The following SLC24A2 variants were observed in gnomAD, a reference collection of about 807,000 sequenced individuals.
The protein encoded by SLC24A2 is sodium/potassium/calcium exchanger 2.
Under a neutral mutation model 62.0 loss-of-function variants are expected in SLC24A2, and 36 were observed. The ratio of observed to expected loss-of-function variants is 0.58; its 90% CI spans 0.44 to 0.77. The LOEUF (loss-of-function observed/expected upper bound fraction) is 0.77, where lower values mean the gene tolerates loss of function less well. Ranked by LOEUF, SLC24A2 falls within the 30% of genes least tolerant of loss-of-function variation. SLC24A2 has a pLI of 0.00. For synonymous variants in SLC24A2, 358 were observed against 294.0 expected, an observed-to-expected ratio of 1.22 and a Z score of -2.23; for missense variants, 846 against 817.9, an observed-to-expected ratio of 1.03 and a Z score of -0.42.
At chr9:20,004,923 A>T in the SLC24A2 span, among the ~76,000 whole-genome samples, 1 of 152,144 alleles carries the variant, frequency 6.6e-6, no homozygotes, top group East Asian at 1.9e-4. Flanking sequence ...AAAAAAAAGA[A>T]GCATCTGTTT....
At chr9:19,899,536 A>G in the SLC24A2 span, among the ~76,000 whole-genome samples, 1 of 152,234 alleles carries the variant, frequency 6.6e-6, no homozygotes, top group Non-Finnish European at 1.5e-5. Flanking sequence ...TTACCCTCAC[A>G]TCATGAAAGC....
chr9:20,240,491 TC>T, the SLC24A2 span, among the ~76,000 whole-genome samples: 6 of 152,292 alleles, frequency 3.9e-5, no homozygotes, highest in Admixed American at 3.3e-4. Flanking sequence ...TCAGGGTGTT[TC>T]CCTTGTTAAA....
At chr9:19,607,708 G>A (rs1005452603) in intron 4 of SLC24A2, among the ~76,000 whole-genome samples, 17 of 121,978 alleles carry the variant, frequency 1.4e-4, no homozygotes, top group African/African-American at 5.5e-4. Context: ...GATAGAGTGA[G>A]ACTCTGTCTC....
At chr9:20,076,804 C>T in the SLC24A2 span, among the ~76,000 whole-genome samples, 2 of 149,658 alleles carry the variant, frequency 1.3e-5, no homozygotes, top group Admixed American at 6.7e-5. Context: ...TGCTGCAATG[C>T]ACATGGGGAC....
the SLC24A2 span, among the ~76,000 whole-genome samples, chr9:20,253,068 TC>T: frequency 2.0e-5 from 3 of 152,212 alleles, no homozygotes; most frequent in African/African-American, 7.2e-5. Context: ...TTGTTGCCTA[TC>T]CCAAGGCAAT....
chr9:19,882,387 T>C, the SLC24A2 span, among the ~76,000 whole-genome samples: 8 of 152,222 alleles, frequency 5.3e-5, no homozygotes, highest in Non-Finnish European at 8.8e-5. Context: ...CTGAAATTTT[T>C]ATGTTCCAGT....
chr9:19,622,228 C>T, intron 3 of SLC24A2, 33 bp downstream of exon 3: 1 of 1,606,502 alleles, frequency 6.2e-7, no homozygotes, highest in Non-Finnish European at 8.5e-7. Context: ...CACAGGCACA[C>T]AAACAGGTAC....
the SLC24A2 span, among the ~76,000 whole-genome samples, chr9:20,147,134 T>G: frequency 6.6e-6 from 1 of 152,164 alleles, no homozygotes; most frequent in South Asian, 2.1e-4. Context: ...AACAGAGAAA[T>G]GCCTGATCAC....
intron 8 of SLC24A2, among the ~76,000 whole-genome samples, chr9:19,548,207 T>A (rs756162989): frequency 1.4e-5 from 2 of 147,962 alleles, no homozygotes; most frequent in Non-Finnish European, 1.5e-5. Flanking sequence ...TGAAGACTTA[T>A]GATAAATTAT....
chr9:19,988,647 C>G, the SLC24A2 span, among the ~76,000 whole-genome samples: 1 of 152,190 alleles, frequency 6.6e-6, no homozygotes, highest in Admixed American at 6.5e-5. Flanking sequence ...TTAAAGGTGA[C>G]ACCCTAAGGA....
chr9:19,664,535 G>A (rs982277286), intron 2 of SLC24A2, among the ~76,000 whole-genome samples: 10 of 152,212 alleles, frequency 6.6e-5, no homozygotes, highest in African/African-American at 2.2e-4. Flanking sequence ...ATCTGGTGAA[G>A]CAGGTTGAAT....
intron 2 of SLC24A2, among the ~76,000 whole-genome samples, chr9:19,743,110 TAAC>T (rs147816048): frequency 0.014 from 2,189 of 152,206 alleles, 41 homozygotes; most frequent in African/African-American, 0.049. Flanking sequence ...ATTGTGTGCT[TAAC>T]AACTATCTTA....
At chr9:19,852,727 G>A in the SLC24A2 span, among the ~76,000 whole-genome samples, 1 of 152,160 alleles carries the variant, frequency 6.6e-6, no homozygotes, top group Middle Eastern at 3.4e-3. Flanking sequence ...CTGTAGCCTG[G>A]TAGTACAATG....
chr9:19,531,361 G>A (rs1349433840), intron 8 of SLC24A2, among the ~76,000 whole-genome samples: 1 of 152,150 alleles, frequency 6.6e-6, no homozygotes, highest in Non-Finnish European at 1.5e-5. Flanking sequence ...ATAGCTCTTG[G>A]AGCCAAGGTC....
the SLC24A2 span, among the ~76,000 whole-genome samples, chr9:20,104,135 G>A: frequency 1.2e-4 from 18 of 152,078 alleles, no homozygotes; most frequent in Admixed American, 2.6e-4. Flanking sequence ...GAAGTGAGAA[G>A]GGAAGTTTAG....
chr9:19,781,674 T>G (rs1823024937), intron 2 of SLC24A2, among the ~76,000 whole-genome samples: 2 of 152,224 alleles, frequency 1.3e-5, no homozygotes, highest in African/African-American at 4.8e-5. Context: ...CAGTTAAGAA[T>G]TTTAATGCCT....
intron 2 of SLC24A2, among the ~76,000 whole-genome samples, chr9:19,718,284 C>CTTTTTTTTTTTTTTTTTTTTTT (rs71335446): frequency 1.8e-5 from 1 of 55,714 alleles, no homozygotes; most frequent in African/African-American, 8.5e-5. Context: ...TGATTTAACA[C>CTTTTTTTTTTTTTTTTTTTTTT]TTTTTTTTTT....
At chr9:19,535,084 T>C (rs1833893113) in intron 8 of SLC24A2, among the ~76,000 whole-genome samples, 1 of 152,214 alleles carries the variant, frequency 6.6e-6, no homozygotes. Context: ...CATTGTGGTT[T>C]TGATTTGCAT....
intron 5 of SLC24A2, among the ~76,000 whole-genome samples, chr9:19,594,942 G>A (rs749957842): frequency 1.1e-4 from 17 of 152,168 alleles, no homozygotes; most frequent in African/African-American, 2.7e-4. Flanking sequence ...GGTACCTGTC[G>A]AAGGATGCAA....
Sources: gnomAD v4.1 joint callset for allele counts (sites outside exome capture counted in the v4.1 genomes callset) on GRCh38, gnomAD v4.1.1 for gene constraint, MANE v1.5 for transcripts, NCBI Gene and HGNC (gene_info 2026-07-23, HGNC 2026-07-21) for gene names.